ABTB3: variants seen among roughly 807,000 people sequenced by gnomAD.
ABTB3 encodes the protein ankyrin repeat and BTB domain containing 3, also known as ankyrin repeat- and BTB/POZ domain-containing protein 3.
the ABTB3 span, among the ~76,000 whole-genome samples, chr12:107,452,447 C>T: frequency 3.3e-5 from 5 of 151,992 alleles, no homozygotes; most frequent in Admixed American, 6.5e-5. Context: ...ACTTCGTGAT[C>T]CGCCTGCCTC....
the ABTB3 span, among the ~76,000 whole-genome samples, chr12:107,630,857 T>C: frequency 1.6e-4 from 25 of 152,262 alleles, no homozygotes; most frequent in African/African-American, 5.8e-4. Flanking sequence ...GCTATATTAC[T>C]ATGGTACATT....
the ABTB3 span, among the ~76,000 whole-genome samples, chr12:107,350,001 C>T: frequency 6.6e-5 from 10 of 152,092 alleles, no homozygotes; most frequent in South Asian, 4.2e-4. Context: ...ATTGACAATG[C>T]GAGAGCACAA....
the ABTB3 span, among the ~76,000 whole-genome samples, chr12:107,566,243 T>C: frequency 6.6e-6 from 1 of 152,196 alleles, no homozygotes; most frequent in African/African-American, 2.4e-5. Flanking sequence ...TTTTTATTTT[T>C]CTTTTTACCA....
chr12:107,352,409 G>A, the ABTB3 span, among the ~76,000 whole-genome samples: 1 of 152,156 alleles, frequency 6.6e-6, no homozygotes, highest in East Asian at 1.9e-4. Context: ...GGAAAAAGAG[G>A]ATGCAGAAAT....
chr12:107,654,155 A>G, the ABTB3 span, among the ~76,000 whole-genome samples: 19 of 152,304 alleles, frequency 1.2e-4, no homozygotes, highest in Admixed American at 7.8e-4. Context: ...CATTGCATGT[A>G]CATGCCATAT....
chr12:107,413,691 C>T, the ABTB3 span, among the ~76,000 whole-genome samples: 2 of 152,178 alleles, frequency 1.3e-5, no homozygotes, highest in Non-Finnish European at 2.9e-5. Context: ...AGTTTGGGAA[C>T]TGTTGAGTTA....
the ABTB3 span, among the ~76,000 whole-genome samples, chr12:107,608,908 A>AAAAT: frequency 1.2e-5 from 1 of 81,656 alleles, no homozygotes; most frequent in Non-Finnish European, 2.2e-5. Flanking sequence ...AAAATAAAAT[A>AAAAT]AAATAAAATA....
the ABTB3 span, among the ~76,000 whole-genome samples, chr12:107,608,890 A>AAATAT: frequency 2.5e-5 from 2 of 79,790 alleles, no homozygotes; most frequent in Non-Finnish European, 2.2e-5. Context: ...AAATAAAATA[A>AAATAT]AATAAATAAA....
At chr12:107,429,658 G>A in the ABTB3 span, among the ~76,000 whole-genome samples, 31 of 152,152 alleles carry the variant, frequency 2.0e-4, no homozygotes, top group African/African-American at 2.4e-4. Flanking sequence ...CAATGGATTC[G>A]TTTTCTCCAG....
At chr12:107,516,780 T>C in the ABTB3 span, among the ~76,000 whole-genome samples, 2 of 152,014 alleles carry the variant, frequency 1.3e-5, no homozygotes, top group Non-Finnish European at 1.5e-5. Flanking sequence ...GGGTGAGGAG[T>C]GGACTTTAAC....
At chr12:107,474,834 A>T in the ABTB3 span, among the ~76,000 whole-genome samples, 4 of 152,144 alleles carry the variant, frequency 2.6e-5, no homozygotes, top group South Asian at 8.3e-4. Context: ...CCACTGAGTC[A>T]TATTCTCCAG....
the ABTB3 span, among the ~76,000 whole-genome samples, chr12:107,469,500 G>T: frequency 6.6e-6 from 1 of 152,344 alleles, no homozygotes; most frequent in East Asian, 1.9e-4. Context: ...CCCATAAGGA[G>T]TAAGTTAGGT....
At chr12:107,589,761 G>T in the ABTB3 span, among the ~76,000 whole-genome samples, 1 of 152,224 alleles carries the variant, frequency 6.6e-6, no homozygotes, top group African/African-American at 2.4e-5. Flanking sequence ...CTCTCTTTAG[G>T]GCTGGGGCAG....
chr12:107,425,725 T>C, the ABTB3 span, among the ~76,000 whole-genome samples: 1 of 152,130 alleles, frequency 6.6e-6, no homozygotes, highest in African/African-American at 2.4e-5. Flanking sequence ...TTCACTACAC[T>C]CATTTATTTC....
chr12:107,588,674 C>T, the ABTB3 span, among the ~76,000 whole-genome samples: 1 of 152,156 alleles, frequency 6.6e-6, no homozygotes, highest in Non-Finnish European at 1.5e-5. Flanking sequence ...GCACGTGCCA[C>T]CACGCCCGGC....
chr12:107,478,507 C>A, the ABTB3 span, among the ~76,000 whole-genome samples: 3 of 152,206 alleles, frequency 2.0e-5, no homozygotes, highest in East Asian at 5.8e-4. Flanking sequence ...GTTTGATGAA[C>A]AAATTAATAA....
At chr12:107,394,330 T>A in the ABTB3 span, among the ~76,000 whole-genome samples, 1 of 152,204 alleles carries the variant, frequency 6.6e-6, no homozygotes. Context: ...GAGACATGGC[T>A]TTTTCATTAG....
At chr12:107,560,232 G>A in the ABTB3 span, among the ~76,000 whole-genome samples, 1 of 152,162 alleles carries the variant, frequency 6.6e-6, no homozygotes, top group African/African-American at 2.4e-5. Context: ...GCGAATTACT[G>A]TTCTTTTAAA....
the ABTB3 span, among the ~76,000 whole-genome samples, chr12:107,561,361 G>C: frequency 6.6e-6 from 1 of 152,116 alleles, no homozygotes; most frequent in Admixed American, 6.5e-5. Flanking sequence ...TCAGACTCCA[G>C]AGCACTTTAC....
Sources: gnomAD v4.1 joint callset for allele counts (sites outside exome capture counted in the v4.1 genomes callset) on GRCh38, gnomAD v4.1.1 for gene constraint, MANE v1.5 for transcripts, NCBI Gene and HGNC (gene_info 2026-07-23, HGNC 2026-07-21) for gene names.